The following RAF1 variants were observed in gnomAD, a reference collection of about 807,000 sequenced individuals.
RAF1 encodes Raf-1 proto-oncogene, serine/threonine kinase, also known as RAF proto-oncogene serine/threonine-protein kinase.
Under a neutral mutation model 81.1 loss-of-function variants are expected in RAF1, and 27 were observed. That is an observed-to-expected ratio of 0.33 (90% CI 0.25 to 0.46). The LOEUF (loss-of-function observed/expected upper bound fraction) is 0.46. Ranked by LOEUF, RAF1 falls within the 20% of genes least tolerant of loss-of-function variation. RAF1 has a pLI of 1.00. For missense variants in RAF1, 598 were observed against 826.0 expected, an observed-to-expected ratio of 0.72 and a Z score of 3.38; for synonymous variants, 298 against 294.0, an observed-to-expected ratio of 1.01 and a Z score of -0.14.
chr3:12,609,679 C>G (rs779315888), intron 3 of RAF1, among the ~76,000 whole-genome samples: 2 of 152,234 alleles, frequency 1.3e-5, no homozygotes, highest in East Asian at 3.9e-4. Flanking sequence ...GAGAGTCTTG[C>G]TGTGTTGCCC....
rs959803541 is a variant in RAF1 at position 12,617,456 on chromosome 3, G to A, written c.207+1059C>T. Among the ~76,000 whole-genome samples, 6 of 152,012 alleles carry A rather than the reference G, an allele frequency of 3.9e-5. 1 individual carries two copies. The highest frequency in any genetic ancestry group is 9.6e-5 in the African/African-American group (4 of 41,484). On this transcript the variant is annotated intron_variant, in intron 2 of 17. Transcript: ENST00000442415. ...TTTTTGTAGAGATGGGGTTTGCCAC[G>A]TTGCCCGACTGGTCTCGAACTCCTG...
chr3:12,619,269 A>G (rs2059475972), intron 1 of RAF1, among the ~76,000 whole-genome samples: 2 of 139,594 alleles, frequency 1.4e-5, no homozygotes, highest in African/African-American at 5.4e-5. Context: ...ACAAAACAAA[A>G]CATTTAGCAA....
chr3:12,635,057 G>A (rs1306991437), intron 1 of RAF1, among the ~76,000 whole-genome samples: 3 of 152,134 alleles, frequency 2.0e-5, no homozygotes, highest in African/African-American at 7.2e-5. Flanking sequence ...CAGCCACGAT[G>A]GCTCACACTT....
chr3:12,609,328 C>T lies in RAF1; in HGVS notation c.328G>A (p.Ala110Thr), dbSNP rs2059138605. Residue 110 changes from alanine (A) to threonine (T), a missense_variant, in exon 4 of 18, where the codon GCA (alanine) becomes ACA (threonine). Coordinates refer to ENST00000442415, the MANE Select transcript of RAF1 (RefSeq NM_001354689.3). The stretch of plus-strand genomic sequence containing the variant: ...GCATCAGTATTCCAATCTAAGCGTG[C>T]TTTTTTACTAGAAAGGATTTAAAAA... 6.2e-7 allele frequency: 1 copy of T among 1,608,636 alleles called. No individual in the cohort carries two copies. Among genetic ancestry groups the T allele is most frequent in the Non-Finnish European group, 8.5e-7 (1 of 1,175,228 alleles).
Position 12,584,138 on chromosome 3 carries a change from T to TCTCC in RAF1, c.*372_*375dup. On this transcript the variant is annotated 3_prime_UTR_variant, in exon 18 of 18. Transcript: ENST00000442415. ...AAGCTGATTTCCAAAATCCCATGTGTCTCCACATCAGGGCTGGACTGCCTG... is the reference window on the plus strand; with the variant it reads ...AAGCTGATTTCCAAAATCCCATGTGTCTCCCTCCACATCAGGGCTGGACTGCCTG... 4 of 340,012 alleles carry TCTCC rather than the reference T, an allele frequency of 1.2e-5. No homozygotes were observed. Among genetic ancestry groups the TCTCC allele is most frequent in the Non-Finnish European group, 1.7e-5 (3 of 179,882 alleles). The allele number at this position is 340,012 out of a possible 1,614,324, so 21.1% of individuals were successfully genotyped here.
intron 2 of RAF1, among the ~76,000 whole-genome samples, chr3:12,612,649 CAA>C (rs546490049): frequency 1.5e-4 from 11 of 74,666 alleles, no homozygotes; most frequent in African/African-American, 4.2e-4. Context: ...GACTCCGTCT[CAA>C]AAAAAAAAAA....
Position 12,585,133 on chromosome 3 carries a change from T to G in RAF1, c.1717A>C (p.Asn573His), listed in dbSNP as rs745876012. ...CAGCACAGACTTACCTGATCTCGGT[T>G]GTTGATGTGAGAATAAGGAAGCTCC... Residue 573 changes from asparagine (N) to histidine (H), a missense_variant, in exon 16 of 18, where the codon AAC (asparagine) becomes CAC (histidine). Coordinates refer to ENST00000442415, the MANE Select transcript of RAF1 (RefSeq NM_001354689.3). The G allele has an allele frequency of 3.0e-5, 48 of 1,613,940 alleles. No individual in the cohort carries two copies. The highest frequency in any genetic ancestry group is 4.0e-5 in the Non-Finnish European group (47 of 1,179,986).
intron 2 of RAF1, among the ~76,000 whole-genome samples, chr3:12,614,552 C>T (rs535717532): frequency 2.6e-4 from 40 of 151,846 alleles, no homozygotes; most frequent in Non-Finnish European, 5.1e-4. Flanking sequence ...CTGCCTCAGC[C>T]TCGGCTGGGA....
chr3:12,601,608 T>C (rs2058864616), intron 8 of RAF1, among the ~76,000 whole-genome samples: 1 of 152,140 alleles, frequency 6.6e-6, no homozygotes, highest in Admixed American at 6.6e-5. Flanking sequence ...GACAAGATAC[T>C]TGTTCCACAC....
At chr3:12,640,335 AAGC>A (rs2060146254) in intron 1 of RAF1, among the ~76,000 whole-genome samples, 2 of 152,216 alleles carry the variant, frequency 1.3e-5, no homozygotes, top group African/African-American at 2.4e-5. Context: ...AAAACACCGA[AAGC>A]AAGGGCAACA....
chr3:12,616,256 T>C (rs763230531), intron 2 of RAF1, among the ~76,000 whole-genome samples: 5 of 152,212 alleles, frequency 3.3e-5, no homozygotes, highest in Non-Finnish European at 7.3e-5. Flanking sequence ...TTAATCACTA[T>C]GCCAAATTAA....
chr3:12,611,940 G>C lies in RAF1; in HGVS notation c.320+10C>G, dbSNP rs1368317983. 2 of 1,609,430 alleles carry C rather than the reference G, an allele frequency of 1.2e-6. No individual in the cohort carries two copies. The highest frequency in any genetic ancestry group is 1.1e-5 in the South Asian group (1 of 90,960). On this transcript the variant is annotated intron_variant, in intron 3 of 17. Coordinates refer to ENST00000442415, the MANE Select transcript of RAF1 (RefSeq NM_001354689.3). ...AGTCTGAAGAAGTCAATTGACTTTT[G>C]AGCTCTTACCCTTTGTGTTCGTGGA... is the stretch of plus-strand genomic sequence containing the variant.
chr3:12,642,742 T>C (rs1315345830), intron 1 of RAF1, among the ~76,000 whole-genome samples: 1 of 146,732 alleles, frequency 6.8e-6, no homozygotes, highest in East Asian at 2.0e-4. Context: ...TATGGTGGCA[T>C]GGGCCTGTAG....
At chr3:12,642,460 T>G (rs1575651415) in intron 1 of RAF1, among the ~76,000 whole-genome samples, 2 of 146,458 alleles carry the variant, frequency 1.4e-5, no homozygotes, top group African/African-American at 5.1e-5. Context: ...TGCAGTGAGC[T>G]GAGATCGCGC....
At chr3:12,591,992 A>T in intron 11 of RAF1, 200 bp from the exon 11 acceptor site, 1 of 611,400 alleles carries the variant, frequency 1.6e-6, no homozygotes, top group South Asian at 1.8e-5. Context: ...GGCACATTGC[A>T]GCCTTGACCT....
intron 11 of RAF1, among the ~76,000 whole-genome samples, chr3:12,593,222 G>C (rs1391397853): frequency 6.6e-6 from 1 of 151,876 alleles, no homozygotes; most frequent in Non-Finnish European, 1.5e-5. Flanking sequence ...TGGGATTACA[G>C]GCATGCTCCA....
At chr3:12,619,886 T>A (rs370591174) in intron 1 of RAF1, among the ~76,000 whole-genome samples, 38 of 151,968 alleles carry the variant, frequency 2.5e-4, no homozygotes, top group African/African-American at 8.9e-4. Flanking sequence ...ATCGAGACCA[T>A]CCTAGCTAAC....
chr3:12,608,373 T>C (rs2059106379), intron 5 of RAF1: 1 of 175,904 alleles, frequency 5.7e-6, no homozygotes, highest in African/African-American at 2.4e-5. Context: ...TTTCTGCTCC[T>C]TCTCAATGTC....
At chr3:12,609,189 CA>C (rs753565261) in intron 4 of RAF1, 43 bp downstream of exon 4, 45 of 1,435,164 alleles carry the variant, frequency 3.1e-5, no homozygotes, top group Non-Finnish European at 4.1e-5. Context: ...TTATGCCTGG[CA>C]AAGCCCTCAA....
Sources: gnomAD v4.1 joint callset for allele counts (sites outside exome capture counted in the v4.1 genomes callset) on GRCh38, gnomAD v4.1.1 for gene constraint, MANE v1.5 for transcripts, NCBI Gene and HGNC (gene_info 2026-07-23, HGNC 2026-07-21) for gene names.